The following SAMD5 variants were observed in gnomAD, a reference collection of about 807,000 sequenced individuals.
SAMD5 encodes sterile alpha motif domain-containing protein 5.
SAMD5 carries 13 observed loss-of-function variants against 11.3 expected under a neutral mutation model. That is an observed-to-expected ratio of 1.15 (90% CI 0.75 to 1.83). SAMD5 has a LOEUF of 1.83. Ranked by LOEUF, SAMD5 falls within the 40% of genes most tolerant of loss-of-function variation. The pLI, the probability that SAMD5 is intolerant of heterozygous loss-of-function variation, is 0.00. For synonymous variants in SAMD5, 129 were observed against 111.3 expected (o/e 1.16, Z -1.00); for missense variants, 255 against 239.1 (o/e 1.07, Z -0.44).
the SAMD5 span, among the ~76,000 whole-genome samples, chr6:147,879,762 G>T: frequency 1.6e-4 from 24 of 152,236 alleles, no homozygotes; most frequent in Middle Eastern, 3.4e-3. Flanking sequence ...ATAATGGTGC[G>T]CAAATAAGCA....
the SAMD5 span, among the ~76,000 whole-genome samples, chr6:147,859,050 C>T: frequency 2.6e-5 from 4 of 152,112 alleles, no homozygotes; most frequent in Non-Finnish European, 5.9e-5. Flanking sequence ...TCACTAGGGG[C>T]CAGGGAGGAC....
chr6:147,666,644 TA>T (rs1178248360), intron 1 of SAMD5, among the ~76,000 whole-genome samples: 11 of 152,192 alleles, frequency 7.2e-5, no homozygotes, highest in African/African-American at 2.7e-4. Context: ...TGATCAGATT[TA>T]AAATGAGGTG....
At chr6:147,905,584 C>G in the SAMD5 span, among the ~76,000 whole-genome samples, 1 of 152,172 alleles carries the variant, frequency 6.6e-6, no homozygotes, top group African/African-American at 2.4e-5. Flanking sequence ...GATATAATCA[C>G]TGTCAATGTG....
the SAMD5 span, among the ~76,000 whole-genome samples, chr6:147,851,595 A>G: frequency 6.6e-6 from 1 of 151,986 alleles, no homozygotes; most frequent in Non-Finnish European, 1.5e-5. Context: ...CCTTAGCTCA[A>G]CTCGTACCAC....
Position 147,509,352 on chromosome 6 carries a change from G to A in SAMD5, c.424G>A (p.Gly142Ser). 4 of 1,576,236 alleles carry A rather than the reference G, an allele frequency of 2.5e-6. No homozygotes were observed. The highest frequency in any genetic ancestry group is 3.4e-6 in the Non-Finnish European group (4 of 1,162,988). The change falls in exon 1 of 2, where the codon GGC (glycine) becomes AGC (serine). Residue 142 changes from glycine to serine, a missense_variant. Coordinates refer to ENST00000367474, the MANE Select transcript of SAMD5 (RefSeq NM_001030060.3). ...IMIRDKLVRD[G>S]IHLSKPPYSR... ...GATCAGGGATAAGCTCGTCCGTGAC[G>A]GCATCCACCTGAGCAAGCCCCCGTA... is the stretch of plus-strand genomic sequence containing the variant.
At chr6:147,671,631 T>A (rs1272555429) in intron 1 of SAMD5, among the ~76,000 whole-genome samples, 1 of 152,192 alleles carries the variant, frequency 6.6e-6, no homozygotes, top group East Asian at 1.9e-4. Context: ...TGGGTGTTAT[T>A]AATTTTTTGC....
At chr6:147,667,447 C>G (rs1790738746) in intron 1 of SAMD5, among the ~76,000 whole-genome samples, 1 of 152,066 alleles carries the variant, frequency 6.6e-6, no homozygotes, top group African/African-American at 2.4e-5. Context: ...AATGGCAAAG[C>G]CTGGTCTGGA....
intron 1 of SAMD5, among the ~76,000 whole-genome samples, chr6:147,542,239 G>A (rs1316390331): frequency 6.6e-6 from 1 of 152,220 alleles, no homozygotes; most frequent in Non-Finnish European, 1.5e-5. Context: ...AGAACTAGGT[G>A]GCCGCTTGGG....
chr6:147,553,839 T>C (rs891837129), intron 1 of SAMD5, among the ~76,000 whole-genome samples: 6 of 152,166 alleles, frequency 3.9e-5, no homozygotes, highest in Admixed American at 2.0e-4. Flanking sequence ...AGCATGTTTT[T>C]TTTTTCTGAA....
At chr6:147,718,978 A>G (rs966469862) in intron 1 of SAMD5, among the ~76,000 whole-genome samples, 4 of 152,166 alleles carry the variant, frequency 2.6e-5, no homozygotes, top group African/African-American at 9.7e-5. Flanking sequence ...GGCGTGAGCC[A>G]CCGCGCCCGG....
the SAMD5 span, among the ~76,000 whole-genome samples, chr6:147,935,776 G>GAA: frequency 8.5e-5 from 13 of 152,134 alleles, no homozygotes; most frequent in Non-Finnish European, 1.6e-4. Context: ...ATAAGCCAGG[G>GAA]AAAAGCAAAC....
the SAMD5 span, among the ~76,000 whole-genome samples, chr6:147,743,578 A>G: frequency 6.6e-6 from 1 of 152,166 alleles, no homozygotes; most frequent in Non-Finnish European, 1.5e-5. Context: ...TATATTAAAT[A>G]GGAAATTTAT....
At chr6:147,825,457 T>C in the SAMD5 span, among the ~76,000 whole-genome samples, 1 of 152,246 alleles carries the variant, frequency 6.6e-6, no homozygotes, top group African/African-American at 2.4e-5. Flanking sequence ...AAGCTTTTCT[T>C]AATTTGGTTC....
chr6:147,697,322 G>A (rs2128457487), intron 1 of SAMD5, among the ~76,000 whole-genome samples: 1 of 152,282 alleles, frequency 6.6e-6, no homozygotes, highest in African/African-American at 2.4e-5. Context: ...GAATAGTTTT[G>A]TTCTCTAAAC....
intron 1 of SAMD5, among the ~76,000 whole-genome samples, chr6:147,707,411 G>C (rs957338735): frequency 6.6e-6 from 1 of 152,144 alleles, no homozygotes; most frequent in Non-Finnish European, 1.5e-5. Flanking sequence ...AATGTTGAAA[G>C]GCTGCAATGG....
the SAMD5 span, among the ~76,000 whole-genome samples, chr6:147,773,546 G>A: frequency 4.6e-5 from 7 of 152,148 alleles, no homozygotes; most frequent in East Asian, 1.9e-4. Context: ...TGGCAGATCC[G>A]GTATCTGGTT....
chr6:147,838,411 G>A, the SAMD5 span, among the ~76,000 whole-genome samples: 2 of 151,952 alleles, frequency 1.3e-5, no homozygotes, highest in African/African-American at 4.8e-5. Context: ...CACAACCTTT[G>A]TCACCTGTAA....
the SAMD5 span, among the ~76,000 whole-genome samples, chr6:147,904,228 A>G: frequency 6.6e-6 from 1 of 152,170 alleles, no homozygotes; most frequent in South Asian, 2.1e-4. Context: ...ACAGCCTCCT[A>G]CGTAGCCAGG....
intron 1 of SAMD5, among the ~76,000 whole-genome samples, chr6:147,684,872 A>G (rs1790987461): frequency 6.6e-6 from 1 of 152,200 alleles, no homozygotes; most frequent in Non-Finnish European, 1.5e-5. Flanking sequence ...TTTTAAAAAA[A>G]TAACTTCTCA....
Sources: gnomAD v4.1 joint callset for allele counts (sites outside exome capture counted in the v4.1 genomes callset) on GRCh38, gnomAD v4.1.1 for gene constraint, MANE v1.5 for transcripts, NCBI Gene and HGNC (gene_info 2026-07-23, HGNC 2026-07-21) for gene names.